Variants in HECW1 observed in about 807,000 individuals in gnomAD.
The protein encoded by HECW1 is HECT, C2 and WW domain containing E3 ubiquitin protein ligase 1.
Under a neutral mutation model 182.3 loss-of-function variants are expected in HECW1, and 61 were observed. That is an observed-to-expected ratio of 0.33 (90% CI 0.27 to 0.41). The LOEUF (loss-of-function observed/expected upper bound fraction) is 0.41. Ranked by LOEUF, HECW1 falls within the 10% of genes least tolerant of loss-of-function variation. The pLI is 1.00. For synonymous variants in HECW1, 859 were observed against 832.6 expected (o/e 1.03, Z -0.55); for missense variants, 1,739 against 2,108.9 (o/e 0.82, Z 3.44).
chr7:43,222,351 A>T (rs1285724156), intron 2 of HECW1, among the ~76,000 whole-genome samples: 2 of 152,210 alleles, frequency 1.3e-5, no homozygotes. Context: ...TATTTTGCAC[A>T]TCTTTCAAAG....
chr7:43,359,059 C>G (rs1200012806), intron 5 of HECW1, among the ~76,000 whole-genome samples: 1 of 152,122 alleles, frequency 6.6e-6, no homozygotes, highest in Non-Finnish European at 1.5e-5. Flanking sequence ...CTCCTGACCA[C>G]AAATGATCCA....
chr7:43,140,641 C>T (rs1464590477), intron 2 of HECW1, among the ~76,000 whole-genome samples: 1 of 152,184 alleles, frequency 6.6e-6, no homozygotes, highest in Non-Finnish European at 1.5e-5. Flanking sequence ...TTCAATATAT[C>T]GTGCTCAGTA....
intron 24 of HECW1, among the ~76,000 whole-genome samples, chr7:43,526,815 A>G (rs1308666168): frequency 1.3e-5 from 2 of 152,210 alleles, no homozygotes; most frequent in Non-Finnish European, 2.9e-5. Context: ...ACCCTGGGCA[A>G]CATAGCAAGA....
At chr7:43,344,808 T>C (rs1486707099) in intron 5 of HECW1, among the ~76,000 whole-genome samples, 1 of 152,196 alleles carries the variant, frequency 6.6e-6, no homozygotes, top group Non-Finnish European at 1.5e-5. Context: ...AACCTATTCA[T>C]TGAGTTCACT....
intron 16 of HECW1, among the ~76,000 whole-genome samples, chr7:43,477,030 G>C (rs1255056508): frequency 6.6e-6 from 1 of 152,086 alleles, no homozygotes; most frequent in Admixed American, 6.6e-5. Context: ...TAGCAAAAAA[G>C]GGAACAGACA....
At chr7:43,273,353 G>A (rs1379929259) in intron 3 of HECW1, among the ~76,000 whole-genome samples, 1 of 152,016 alleles carries the variant, frequency 6.6e-6, no homozygotes, top group East Asian at 1.9e-4. Context: ...TAAATAAATA[G>A]ATTGAAATGG....
chr7:43,187,904 T>G (rs10277708), intron 2 of HECW1, among the ~76,000 whole-genome samples: 34,393 of 152,102 alleles, frequency 0.23, 4,136 homozygotes, highest in Middle Eastern at 0.26. Flanking sequence ...ACTGAATTTT[T>G]TCACATGTGC....
intron 9 of HECW1, among the ~76,000 whole-genome samples, chr7:43,440,962 G>T (rs1250490926): frequency 2.6e-5 from 4 of 152,132 alleles, no homozygotes; most frequent in African/African-American, 9.7e-5. Context: ...ATCAGCCAGT[G>T]ATTTATCTTT....
intron 2 of HECW1, among the ~76,000 whole-genome samples, chr7:43,188,751 G>A (rs10244157): frequency 0.24 from 36,699 of 152,076 alleles, 4,629 homozygotes; most frequent in Middle Eastern, 0.27. Context: ...TCCTGCCCCC[G>A]TGCCATATCT....
chr7:43,115,434 T>G (rs1276800052), intron 2 of HECW1, among the ~76,000 whole-genome samples: 1 of 152,092 alleles, frequency 6.6e-6, no homozygotes, highest in Non-Finnish European at 1.5e-5. Context: ...CTTAGATAAT[T>G]GAGAATTCAC....
intron 27 of HECW1, 79 bp from the exon 28 acceptor site, chr7:43,552,143 T>A (rs780718089): frequency 2.0e-5 from 17 of 862,360 alleles, no homozygotes; most frequent in Non-Finnish European, 3.4e-5. Context: ...TTTCCCAGTT[T>A]AACCCACATA....
intron 2 of HECW1, among the ~76,000 whole-genome samples, chr7:43,137,953 A>G (rs1391839997): frequency 6.7e-6 from 1 of 149,430 alleles, no homozygotes; most frequent in Non-Finnish European, 1.5e-5. Context: ...TTTTTTTTTT[A>G]AGATTCCGGC....
intron 2 of HECW1, among the ~76,000 whole-genome samples, chr7:43,193,916 A>T (rs147918925): frequency 1.6e-3 from 249 of 152,310 alleles, no homozygotes; most frequent in African/African-American, 5.7e-3. Context: ...CCCACAAGAG[A>T]CAGCTTTGCA....
At chr7:43,442,682 G>T in intron 10 of HECW1, 53 bp downstream of exon 10, 2 of 1,240,992 alleles carry the variant, frequency 1.6e-6, no homozygotes, top group South Asian at 1.2e-5. Context: ...CATAAGTGTG[G>T]TTCCTTTTTC....
intron 28 of HECW1, among the ~76,000 whole-genome samples, chr7:43,553,688 A>AAG (rs369905426): frequency 0.2 from 26,980 of 136,086 alleles, 3,415 homozygotes; most frequent in African/African-American, 0.22. Context: ...AAAAAAAAAA[A>AAG]GTCTCTGCCT....
At chr7:43,360,780 C>A in intron 5 of HECW1, 106 bp from the exon 6 acceptor site, 1 of 820,672 alleles carries the variant, frequency 1.2e-6, no homozygotes. Context: ...CTGGCTTGCT[C>A]GTGGGGGAAT....
intron 6 of HECW1, among the ~76,000 whole-genome samples, chr7:43,369,400 G>A (rs770245451): frequency 3.9e-5 from 6 of 152,156 alleles, no homozygotes; most frequent in Non-Finnish European, 8.8e-5. Context: ...GGAGGTTACG[G>A]TGAGCCAAGA....
chr7:43,171,543 C>T (rs912959113), intron 2 of HECW1, among the ~76,000 whole-genome samples: 1 of 152,080 alleles, frequency 6.6e-6, no homozygotes, highest in Non-Finnish European at 1.5e-5. Flanking sequence ...GCTCCATGTT[C>T]GCAAACAAGT....
intron 6 of HECW1, among the ~76,000 whole-genome samples, chr7:43,368,272 A>G (rs540090287): frequency 1.3e-5 from 2 of 152,344 alleles, no homozygotes; most frequent in African/African-American, 2.4e-5. Context: ...GTAAGGACCA[A>G]TTATGGGCAG....
Sources: gnomAD v4.1 joint callset for allele counts (sites outside exome capture counted in the v4.1 genomes callset) on GRCh38, gnomAD v4.1.1 for gene constraint, MANE v1.5 for transcripts, NCBI Gene and HGNC (gene_info 2026-07-23, HGNC 2026-07-21) for gene names.